FSTL5: variants seen among roughly 807,000 people sequenced by gnomAD.
The protein encoded by FSTL5 is follistatin like 5.
A neutral mutation model predicts 89.1 loss-of-function variants in FSTL5; 62 were observed. That is an observed-to-expected ratio of 0.70 (90% confidence interval 0.57 to 0.86). The LOEUF (loss-of-function observed/expected upper bound fraction) is 0.86. FSTL5 is among the 40% of genes least tolerant of loss of function. FSTL5 has a pLI of 0.00. For synonymous variants in FSTL5, 383 were observed against 346.2 expected, an observed-to-expected ratio of 1.11 and a Z score of -1.18; for missense variants, 1,057 against 1,001.6, an observed-to-expected ratio of 1.06 and a Z score of -0.75.
intron 6 of FSTL5, among the ~76,000 whole-genome samples, chr4:161,689,942 T>C (rs1346608241): frequency 2.6e-5 from 4 of 152,284 alleles, no homozygotes; most frequent in Non-Finnish European, 4.4e-5. Flanking sequence ...TATCATACTT[T>C]CGAGATTCAT....
intron 8 of FSTL5, among the ~76,000 whole-genome samples, chr4:161,557,881 A>G (rs1732447031): frequency 2.0e-5 from 3 of 151,822 alleles, no homozygotes; most frequent in African/African-American, 2.4e-5. Context: ...CATATGTGTT[A>G]TATGTGCTCA....
intron 2 of FSTL5, among the ~76,000 whole-genome samples, chr4:162,069,905 T>C (rs954665917): frequency 6.6e-6 from 1 of 151,926 alleles, no homozygotes; most frequent in African/African-American, 2.4e-5. Context: ...AGTCAATACC[T>C]AGTAGAGGAT....
At chr4:161,567,908 A>T (rs945896934) in intron 8 of FSTL5, among the ~76,000 whole-genome samples, 2 of 152,032 alleles carry the variant, frequency 1.3e-5, no homozygotes, top group Non-Finnish European at 2.9e-5. Flanking sequence ...CCATTTGGTC[A>T]AAGTAGGAAG....
intron 10 of FSTL5, among the ~76,000 whole-genome samples, chr4:161,526,504 C>T (rs1297648804): frequency 6.6e-6 from 1 of 152,024 alleles, no homozygotes; most frequent in African/African-American, 2.4e-5. Context: ...TAATAAATTT[C>T]ACATGAAGTC....
chr4:161,621,509 C>G (rs995379135), intron 7 of FSTL5, among the ~76,000 whole-genome samples: 1 of 151,948 alleles, frequency 6.6e-6, no homozygotes, highest in South Asian at 2.1e-4. Context: ...TTAGAACAAA[C>G]CAGCAAGTTA....
chr4:162,102,709 TTA>T (rs1053150331), intron 2 of FSTL5, among the ~76,000 whole-genome samples: 49 of 145,416 alleles, frequency 3.4e-4, no homozygotes, highest in East Asian at 2.2e-3. Flanking sequence ...ATTTATATAT[TTA>T]TATATATTTA....
intron 8 of FSTL5, among the ~76,000 whole-genome samples, chr4:161,551,085 T>C (rs769140164): frequency 6.6e-6 from 1 of 152,046 alleles, no homozygotes; most frequent in African/African-American, 2.4e-5. Context: ...TTATAGTCCA[T>C]TGAGTATATA....
At chr4:162,125,542 A>T (rs1344229401) in intron 1 of FSTL5, among the ~76,000 whole-genome samples, 1 of 152,082 alleles carries the variant, frequency 6.6e-6, no homozygotes, top group Non-Finnish European at 1.5e-5. Flanking sequence ...GTTTCCATTA[A>T]ACTATCTATT....
At chr4:161,614,869 T>A (rs1734786747) in intron 7 of FSTL5, among the ~76,000 whole-genome samples, 1 of 152,200 alleles carries the variant, frequency 6.6e-6, no homozygotes, top group African/African-American at 2.4e-5. Flanking sequence ...AAGGAGAATT[T>A]CAATTTAATA....
At chr4:161,752,223 GGACAGATAGATAGATAGATAGATA>G (rs1176348300) in intron 6 of FSTL5, among the ~76,000 whole-genome samples, 2 of 133,604 alleles carry the variant, frequency 1.5e-5, no homozygotes, top group Non-Finnish European at 3.2e-5. Context: ...GATGATAGAT[GGACAGATAGATAGATAGATAGATA>G]GATAGATAGA....
Position 161,565,727 on chromosome 4 carries a change from C to G in FSTL5, c.1015+21728G>C, listed in dbSNP as rs1021605447. On this transcript the variant is annotated intron_variant, in intron 8 of 15. Transcript: ENST00000306100. ...TGAGTGCTGATTTCCTTCTTGTGAACGTAGTATAACTTGAGACACACACAC... is the reference window on the plus strand; with the variant it reads ...TGAGTGCTGATTTCCTTCTTGTGAAGGTAGTATAACTTGAGACACACACAC... 6.7e-5 allele frequency among the ~76,000 whole-genome samples: 9 copies of G among 134,004 alleles called. No individual in the cohort carries two copies. The South Asian group carries it at 1.6e-3, about 23-fold the overall frequency. 87.9% of individuals were successfully genotyped at this position (134,004 alleles called of 152,430 possible).
intron 6 of FSTL5, among the ~76,000 whole-genome samples, chr4:161,681,772 T>C (rs188406078): frequency 6.8e-4 from 103 of 152,300 alleles, no homozygotes; most frequent in Admixed American, 6.7e-3. Flanking sequence ...AAAGGTTAAA[T>C]TTTAGAATAT....
At chr4:161,511,038 A>G (rs1730635848) in intron 10 of FSTL5, among the ~76,000 whole-genome samples, 1 of 152,162 alleles carries the variant, frequency 6.6e-6, no homozygotes. Context: ...AATATTATAT[A>G]GTGACTTAAT....
intron 3 of FSTL5, among the ~76,000 whole-genome samples, chr4:161,952,324 G>A (rs984827087): frequency 6.6e-6 from 1 of 151,972 alleles, no homozygotes; most frequent in Admixed American, 6.6e-5. Flanking sequence ...TGAAAAGTGA[G>A]AGAGAAGATA....
At chr4:162,153,642 GTATAT>G (rs1202373436) in intron 1 of FSTL5, among the ~76,000 whole-genome samples, 2 of 86,418 alleles carry the variant, frequency 2.3e-5, no homozygotes, top group Admixed American at 2.2e-4. Flanking sequence ...AATAATATAT[GTATAT>G]TATATATGTA....
chr4:162,021,663 T>C (rs1296990368), intron 3 of FSTL5, among the ~76,000 whole-genome samples: 1 of 152,134 alleles, frequency 6.6e-6, no homozygotes, highest in Non-Finnish European at 1.5e-5. Context: ...GAGGTCATTA[T>C]CTTAAGGGAA....
At chr4:161,836,482 G>A (rs1163975606) in intron 4 of FSTL5, among the ~76,000 whole-genome samples, 2 of 147,216 alleles carry the variant, frequency 1.4e-5, no homozygotes, top group Non-Finnish European at 3.0e-5. Flanking sequence ...GAAAAGAAAA[G>A]AAAAAAAAAA....
intron 4 of FSTL5, among the ~76,000 whole-genome samples, chr4:161,905,035 A>C (rs1277398180): frequency 6.6e-6 from 1 of 152,074 alleles, no homozygotes; most frequent in Non-Finnish European, 1.5e-5. Context: ...ATTATGCTTT[A>C]ACAAGCCTAA....
rs569258028 is a variant in FSTL5, at chr4:161,869,309, T to C, written c.409+51095A>G. On this transcript the variant is annotated intron_variant, in intron 4 of 15. Coordinates refer to ENST00000306100, the MANE Select transcript of FSTL5 (RefSeq NM_020116.5). Reference sequence around the variant, plus strand: ...ACATAAGATACTCAGTGGGTGATAATAACTATTAAGGAGAGAAAGTATATT... The same window carrying C: ...ACATAAGATACTCAGTGGGTGATAACAACTATTAAGGAGAGAAAGTATATT... Among the ~76,000 whole-genome samples the C allele has an allele frequency of 6.6e-5, 10 of 152,358 alleles. No homozygotes were observed. The South Asian group carries it at 1.9e-3, about 28-fold the overall frequency.
Sources: allele counts gnomAD v4.1 joint callset (sites outside exome capture counted in the v4.1 genomes callset), GRCh38; gene constraint gnomAD v4.1.1; transcripts MANE v1.5; gene names NCBI Gene and HGNC (gene_info 2026-07-23, HGNC 2026-07-21).